Variants in PHAF1 observed in about 807,000 individuals in gnomAD.
PHAF1 encodes the protein phagophore assembly factor 1.
In PHAF1, 23 loss-of-function variants were observed where a neutral mutation model predicts 63.1. The ratio of observed to expected loss-of-function variants is 0.36; its 90% confidence interval spans 0.26 to 0.52. The LOEUF is 0.52. PHAF1 is among the 20% of genes least tolerant of loss of function. The pLI, the probability that PHAF1 is intolerant of heterozygous loss-of-function variation, is 0.93. For synonymous variants in PHAF1, 167 were observed against 185.0 expected (o/e 0.90, Z 0.79); for missense variants, 427 against 517.2 (o/e 0.83, Z 1.69).
chr16:67,110,208 T>C lies in PHAF1; in HGVS notation c.33T>C (p.Ser11=). 1.3e-6 allele frequency: 2 copies of C among 1,552,840 alleles called. No individual in the cohort carries two copies. Among genetic ancestry groups the C allele is most frequent in the Non-Finnish European group, 1.7e-6 (2 of 1,147,702 alleles). The change falls in exon 1 of 16, where the codon TCT becomes TCC. Residue 11 remains serine (S), a synonymous_variant. Transcript: ENST00000219139. MLDLEVVPER[S]LGNEQWEFTL... ...ACCTGGAGGTAGTGCCCGAACGCTC[T>C]CTGGGGAACGAGCAATGGGAATTCA... is the stretch of plus-strand genomic sequence containing the variant.
intron 3 of PHAF1, among the ~76,000 whole-genome samples, chr16:67,126,604 T>G (rs1416197257): frequency 1.3e-5 from 2 of 150,416 alleles, no homozygotes; most frequent in African/African-American, 4.9e-5. Context: ...GGTTTTTTTT[T>G]TTTTTTTTGA....
chr16:67,111,747 A>G (rs1321558127), intron 1 of PHAF1, among the ~76,000 whole-genome samples: 6 of 151,900 alleles, frequency 3.9e-5, no homozygotes, highest in African/African-American at 1.5e-4. Flanking sequence ...CAGCCTCCCT[A>G]CTAGTAGCTG....
chr16:67,144,710 C>A, intron 11 of PHAF1, 124 bp from the exon 12 acceptor site: 1 of 1,102,236 alleles, frequency 9.1e-7, no homozygotes, highest in Non-Finnish European at 1.4e-6. Flanking sequence ...CACTGTCAGG[C>A]ACTCAGAGCC....
At chr16:67,126,831 G>A (rs553011411) in intron 3 of PHAF1, among the ~76,000 whole-genome samples, 189 of 150,852 alleles carry the variant, frequency 1.3e-3, no homozygotes, top group South Asian at 7.8e-3. Context: ...CTTGTGATCC[G>A]CCCACCACAG....
At chr16:67,110,382 A>G in intron 1 of PHAF1, 143 bp downstream of exon 1, 2 of 886,796 alleles carry the variant, frequency 2.3e-6, no homozygotes, top group Non-Finnish European at 3.5e-6. Context: ...GGCTCCAGGC[A>G]CTAGATACCC....
At chr16:67,140,373 C>G (rs1384642836) in intron 9 of PHAF1, 138 bp from the exon 10 acceptor site, 1 of 864,712 alleles carries the variant, frequency 1.2e-6, no homozygotes, top group South Asian at 1.7e-5. Context: ...GATTGGTCAG[C>G]ACCAGCAGCT....
In PHAF1 at chr16:67,131,376, G is replaced by T. The variant is rs1216267671; in HGVS notation, c.275+47G>T. On this transcript the variant is annotated intron_variant, in intron 4 of 15. Coordinates refer to ENST00000219139, the MANE Select transcript of PHAF1 (RefSeq NM_025187.5). The stretch of plus-strand genomic sequence containing the variant: ...TATATGTCACACTTGGTATAGACAG[G>T]CCATATCTACTATCTTCATAAGTTA... 3.8e-6 allele frequency: 5 copies of T among 1,317,328 alleles called. No individual in the cohort carries two copies. In the Admixed American group the frequency reaches 8.5e-5, roughly 22 times the overall value. The allele number at this position is 1,317,328 out of a possible 1,614,324, so 81.6% of individuals were successfully genotyped here.
Position 67,117,766 on chromosome 16 carries a change from C to CA in PHAF1, c.65-2333dup, listed in dbSNP as rs111415619. ...CAGAGCGAGACTTCAGACTGCGTCT[C>CA]AAAAAAAAAAAAAGAGATATTCAGG... On this transcript the variant is annotated intron_variant, in intron 1 of 15. Transcript: ENST00000219139. Among the ~76,000 whole-genome samples the CA allele has an allele frequency of 5.3e-3, 644 of 120,904 alleles. 8 individuals are homozygous for CA. Among genetic ancestry groups the CA allele is most frequent in the African/African-American group, 0.015 (510 of 33,496 alleles). The allele number at this position is 120,904 out of a possible 152,430, so 79.3% of individuals were successfully genotyped here.
intron 2 of PHAF1, among the ~76,000 whole-genome samples, chr16:67,124,735 G>C (rs1274745390): frequency 4.0e-5 from 6 of 151,898 alleles, no homozygotes; most frequent in Non-Finnish European, 8.8e-5. Flanking sequence ...AACCCCATCT[G>C]TACTAAAAAT....
chr16:67,110,905 G>C (rs1319774332), intron 1 of PHAF1, among the ~76,000 whole-genome samples: 2 of 152,156 alleles, frequency 1.3e-5, no homozygotes, highest in Non-Finnish European at 2.9e-5. Flanking sequence ...AACGCCTCGT[G>C]GGTTTAAGCG....
rs1332401454 is a variant in PHAF1 at position 67,120,203 on chromosome 16, T to A, written c.147+9T>A. ...TTCTCTACAGTGAACAGGTGAGTGG[T>A]GGCTGATTTGTTTATTGAAATAGCA... On this transcript the variant is annotated intron_variant, in intron 2 of 15. Coordinates refer to ENST00000219139, the MANE Select transcript of PHAF1 (RefSeq NM_025187.5). 2 of 1,609,678 alleles carry A rather than the reference T, an allele frequency of 1.2e-6. No individual in the cohort carries two copies. Among genetic ancestry groups the A allele is most frequent in the South Asian group, 2.2e-5 (2 of 90,578 alleles).
chr16:67,142,522 A>G (rs1360116996), intron 10 of PHAF1, among the ~76,000 whole-genome samples: 4 of 152,208 alleles, frequency 2.6e-5, no homozygotes, highest in African/African-American at 9.7e-5. Flanking sequence ...CCGAGGCGGC[A>G]GGGGGCTAGT....
chr16:67,131,116 A>C (rs1006628751), intron 3 of PHAF1, among the ~76,000 whole-genome samples, 170 bp from the exon 4 acceptor site: 1 of 152,046 alleles, frequency 6.6e-6, no homozygotes, highest in Admixed American at 6.6e-5. Flanking sequence ...AAAGTTTTTA[A>C]AAAAATTTTA....
chr16:67,146,034 C>G (rs2030027200), intron 14 of PHAF1, among the ~76,000 whole-genome samples: 1 of 152,146 alleles, frequency 6.6e-6, no homozygotes, highest in South Asian at 2.1e-4. Flanking sequence ...CCTCTTGACT[C>G]CTCGCCACCC....
chr16:67,147,198 G>T lies in PHAF1; in HGVS notation c.*67G>T. The T allele has an allele frequency of 1.4e-6, 2 of 1,455,952 alleles. No homozygotes were observed. Among genetic ancestry groups the T allele is most frequent in the Non-Finnish European group, 9.6e-7 (1 of 1,040,842 alleles). The allele number at this position is 1,455,952 out of a possible 1,614,324, so 90.2% of individuals were successfully genotyped here. On this transcript the variant is annotated 3_prime_UTR_variant, in exon 16 of 16. Coordinates refer to ENST00000219139, the MANE Select transcript of PHAF1 (RefSeq NM_025187.5). Reference sequence around the variant, plus strand: ...ATCACATCCTGCTCAGTGGGCCTCTGTACCACCCTGTGGGTTTTCTTGGAC... The same window carrying T: ...ATCACATCCTGCTCAGTGGGCCTCTTTACCACCCTGTGGGTTTTCTTGGAC...
Position 67,132,921 on chromosome 16 carries a change from TC to T in PHAF1, c.450+12del. ...GGCTCCAAAGTATGAGGTTAGCCCT[TC>T]CTGTCCCCTGGTGTTTGTTGTATGT... On this transcript the variant is annotated intron_variant, in intron 6 of 15. Transcript: ENST00000219139. 1 of 1,580,444 alleles carries T rather than the reference TC, an allele frequency of 6.3e-7. No homozygotes were observed. The highest frequency in any genetic ancestry group is 8.7e-7 in the Non-Finnish European group (1 of 1,150,160).
intron 2 of PHAF1, among the ~76,000 whole-genome samples, chr16:67,123,401 AC>A (rs1463013623): frequency 6.6e-6 from 1 of 150,846 alleles, no homozygotes; most frequent in Non-Finnish European, 1.5e-5. Context: ...ACATGGTGAA[AC>A]CCCGTCTTTA....
Position 67,132,885 on chromosome 16 carries a change from T to C in PHAF1, c.424T>C (p.Ser142Pro). The C allele has an allele frequency of 6.2e-7, 1 of 1,612,824 alleles. No homozygotes were observed. The highest frequency in any genetic ancestry group is 8.5e-7 in the Non-Finnish European group (1 of 1,178,748). Residue 142 changes from serine (S) to proline (P), a missense_variant, in exon 6 of 16, where the codon TCA becomes CCA. Ser to Pro is a moderately conservative substitution (Grantham distance 74). Transcript: ENST00000219139. Reference sequence around the variant, plus strand: ...ACTGTCTTTCTCTTTTCAGTTAGACTCATGGACTGAGGCTCCAAAGTATGA... The same window carrying C: ...ACTGTCTTTCTCTTTTCAGTTAGACCCATGGACTGAGGCTCCAAAGTATGA... ...RGLSFSFQLD[S>P]WTEAPKYEPN...
At chr16:67,131,599 A>G (rs989223692) in intron 4 of PHAF1, among the ~76,000 whole-genome samples, 4 of 152,218 alleles carry the variant, frequency 2.6e-5, no homozygotes, top group Non-Finnish European at 5.9e-5. Flanking sequence ...AGGTGATGTG[A>G]CAGTCTCCTG....
Sources: allele counts gnomAD v4.1 joint callset (sites outside exome capture counted in the v4.1 genomes callset), GRCh38; gene constraint gnomAD v4.1.1; transcripts MANE v1.5; gene names NCBI Gene and HGNC (gene_info 2026-07-23, HGNC 2026-07-21).